MYT1L: variants seen among roughly 807,000 people sequenced by gnomAD.
The protein encoded by MYT1L is myelin transcription factor 1 like, also known as myelin transcription factor 1-like protein.
In MYT1L, 12 loss-of-function variants were observed where a neutral mutation model predicts 126.7. That is an observed-to-expected ratio of 0.09 (90% CI 0.06 to 0.15). The LOEUF (loss-of-function observed/expected upper bound fraction) is 0.15, where lower values mean the gene tolerates loss of function less well. Among genes scored for constraint, MYT1L ranks in the 10% least tolerant of loss-of-function variants. The pLI is 1.00. For missense variants in MYT1L, 979 were observed against 1,585.2 expected (o/e 0.62, Z 6.49); for synonymous variants, 541 against 604.2 (o/e 0.90, Z 1.53).
At chr2:2,260,673 A>G (rs937604233) in intron 2 of MYT1L, among the ~76,000 whole-genome samples, 1 of 151,136 alleles carries the variant, frequency 6.6e-6, no homozygotes, top group African/African-American at 2.4e-5. Context: ...TTTTTGTTAT[A>G]TTATACTGAG....
Position 2,059,627 on chromosome 2 carries a change from A to G in MYT1L, c.-303-5504T>C, listed in dbSNP as rs1336845468. ...CAGTTCGGCAGGGGGCACACAATGC[A>G]TGGGTGACATTTCTATGAAAAATTT... On this transcript the variant is annotated intron_variant, in intron 3 of 24. Coordinates refer to ENST00000647738, the MANE Select transcript of MYT1L (RefSeq NM_001303052.2). The surrounding 1 kb of genome is among the most constrained non-coding windows in gnomAD (Gnocchi z 4.7). Among the ~76,000 whole-genome samples the G allele has an allele frequency of 6.6e-6, 1 of 152,188 alleles. No homozygotes were observed. The highest frequency in any genetic ancestry group is 2.4e-5 in the African/African-American group (1 of 41,460).
intron 3 of MYT1L, among the ~76,000 whole-genome samples, chr2:2,134,217 A>C (rs1393186190): frequency 6.6e-6 from 1 of 152,050 alleles, no homozygotes; most frequent in African/African-American, 2.4e-5. Context: ...CCTGGCTTCC[A>C]CATCAGGTTC....
chr2:1,968,507 T>C lies in MYT1L; in HGVS notation c.152+10658A>G, dbSNP rs2059559527. 2.0e-5 allele frequency among the ~76,000 whole-genome samples: 3 copies of C among 152,192 alleles called. No individual in the cohort carries two copies. The South Asian group carries it at 6.2e-4, about 32-fold the overall frequency. ...ATGTCAAGTAGTGCATTAGATAATA[T>C]TCACGGCCCTGCAGAGTGGCTACCG... On this transcript the variant is annotated intron_variant, in intron 8 of 24. Transcript: ENST00000647738.
rs1249299564 is a variant in MYT1L, at chr2:1,912,119, G to C, written c.1619-9C>G. 6.4e-7 allele frequency: 1 copy of C among 1,563,954 alleles called. No individual in the cohort carries two copies. On this transcript the variant is annotated splice_polypyrimidine_tract_variant and intron_variant, in intron 11 of 24. Coordinates refer to ENST00000647738, the MANE Select transcript of MYT1L (RefSeq NM_001303052.2). This position sits in a 1 kb window ranked among gnomAD's most constrained non-coding sequence, Gnocchi z 4.3. ...TTCATGCATGGCAAGGACTTGACAG[G>C]GAGAGGCAAAGAGAACAGCCAGTGT... is the stretch of plus-strand genomic sequence containing the variant.
At chr2:2,208,182 C>A (rs1443840045) in intron 2 of MYT1L, among the ~76,000 whole-genome samples, 1 of 152,184 alleles carries the variant, frequency 6.6e-6, no homozygotes, top group Non-Finnish European at 1.5e-5. Flanking sequence ...TGGGGAAGAA[C>A]TAGGGTTACA....
chr2:2,020,791 G>T (rs1157578212), intron 4 of MYT1L, among the ~76,000 whole-genome samples: 1 of 152,188 alleles, frequency 6.6e-6, no homozygotes, highest in African/African-American at 2.4e-5. Flanking sequence ...GAAAAGACAG[G>T]CTCCAGGATT....
At chr2:1,833,170 G>A (rs544861934) in intron 21 of MYT1L, among the ~76,000 whole-genome samples, 2 of 152,318 alleles carry the variant, frequency 1.3e-5, no homozygotes, top group South Asian at 2.1e-4. Context: ...CACAGTGTGT[G>A]CCAGTGGCAT....
intron 3 of MYT1L, among the ~76,000 whole-genome samples, chr2:2,128,587 G>A (rs1382038169): frequency 6.6e-6 from 1 of 152,158 alleles, no homozygotes; most frequent in East Asian, 1.9e-4. Context: ...ATTATTCTAT[G>A]TAAAAACATA....
chr2:1,981,946 C>T (rs974671051), intron 5 of MYT1L, among the ~76,000 whole-genome samples: 5 of 152,180 alleles, frequency 3.3e-5, no homozygotes, highest in African/African-American at 1.2e-4. Context: ...CCACACAACA[C>T]AATGGCTCAT....
At chr2:1,927,676 A>T (rs1481200083) in intron 9 of MYT1L, among the ~76,000 whole-genome samples, 1 of 152,156 alleles carries the variant, frequency 6.6e-6, no homozygotes, top group African/African-American at 2.4e-5. Flanking sequence ...ACAGGAGGGG[A>T]CTGTACTCCA....
chr2:2,045,173 A>T (rs1222881589), intron 4 of MYT1L, among the ~76,000 whole-genome samples: 1 of 152,250 alleles, frequency 6.6e-6, no homozygotes, highest in African/African-American at 2.4e-5. Flanking sequence ...CCTGCATGTA[A>T]GATTTATGCA....
chr2:1,795,558 C>G (rs1289298266), intron 23 of MYT1L: 1 of 152,354 alleles, frequency 6.6e-6, no homozygotes, highest in African/African-American at 2.4e-5. Flanking sequence ...CAGAAGGCAT[C>G]CCTGATCACA....
At chr2:2,004,339 G>GTTCTTTCCTGCGTGCC (rs1408552316) in intron 4 of MYT1L, among the ~76,000 whole-genome samples, 1 of 126,150 alleles carries the variant, frequency 7.9e-6, no homozygotes, top group Admixed American at 8.0e-5. Context: ...TCCTGCATAC[G>GTTCTTTCCTGCGTGCC]TTCTTTCCTG....
At chr2:2,065,179 C>T (rs1212841557) in intron 3 of MYT1L, among the ~76,000 whole-genome samples, 1 of 152,050 alleles carries the variant, frequency 6.6e-6, no homozygotes, top group African/African-American at 2.4e-5. Context: ...GCCTGGGCTA[C>T]AGGGCAAGAT....
intron 2 of MYT1L, among the ~76,000 whole-genome samples, chr2:2,279,905 A>G (rs2095424533): frequency 6.6e-6 from 1 of 152,226 alleles, no homozygotes; most frequent in South Asian, 2.1e-4. Flanking sequence ...TGATTTATCT[A>G]TTTAAGAAGC....
At chr2:2,175,863 G>A (rs900948058) in intron 2 of MYT1L, among the ~76,000 whole-genome samples, 2 of 152,338 alleles carry the variant, frequency 1.3e-5, no homozygotes, top group Non-Finnish European at 2.9e-5. Context: ...CAGCTCTTCC[G>A]CCTGTTTCTG....
In MYT1L at chr2:2,264,731, G is replaced by A. The variant is rs138049923; in HGVS notation, c.-421+19673C>T. Among the ~76,000 whole-genome samples the A allele has an allele frequency of 2.0e-5, 3 of 152,276 alleles. No homozygotes were observed. In the East Asian group the frequency reaches 5.8e-4, roughly 30 times the overall value. On this transcript the variant is annotated intron_variant, in intron 2 of 24. Transcript: ENST00000647738. ...AGACTTGAACGTCAGTGGAAGGTCA[G>A]TGCTGAAGCTGAGTCCAAGCGGCCA...
rs568992199 is a variant in MYT1L, at chr2:1,902,638, G to C, written c.2032+442C>G. The C allele has an allele frequency of 9.6e-5, 16 of 166,080 alleles. No homozygotes were observed. The South Asian group carries it at 2.1e-3, about 21-fold the overall frequency. The allele number at this position is 166,080 out of a possible 1,614,324, so 10.3% of individuals were successfully genotyped here. On this transcript the variant is annotated intron_variant, in intron 14 of 24. Coordinates refer to ENST00000647738, the MANE Select transcript of MYT1L (RefSeq NM_001303052.2). ...CAGATGGTTCTCATGTGCGTGCAAG[G>C]CTGAGAACACCAAGGAGATGGGTGC...
At chr2:1,876,006 C>A (rs773836373) in intron 18 of MYT1L, among the ~76,000 whole-genome samples, 7 of 152,122 alleles carry the variant, frequency 4.6e-5, no homozygotes, top group Non-Finnish European at 1.0e-4. Flanking sequence ...AAGATGTACA[C>A]TTCGGGTTTC....
Sources: allele counts gnomAD v4.1 joint callset (sites outside exome capture counted in the v4.1 genomes callset), GRCh38; gene constraint gnomAD v4.1.1; non-coding constraint Gnocchi (gnomAD v3.1); transcripts MANE v1.5; gene names NCBI Gene and HGNC (gene_info 2026-07-23, HGNC 2026-07-21).